The following PDLIM5 variants were observed in gnomAD, a reference collection of about 807,000 sequenced individuals.
The protein encoded by PDLIM5 is PDZ and LIM domain 5.
PDLIM5 carries 34 observed loss-of-function variants against 64.2 expected under a neutral mutation model. The observed-to-expected ratio is 0.53, with a 90% CI of 0.40 to 0.71. PDLIM5 has a LOEUF of 0.71. PDLIM5 is among the 30% of genes least tolerant of loss of function. The pLI is 0.00. For synonymous variants in PDLIM5, 253 were observed against 269.1 expected (o/e 0.94, Z 0.59); for missense variants, 683 against 733.6 (o/e 0.93, Z 0.80).
intron 7 of PDLIM5, among the ~76,000 whole-genome samples, chr4:94,603,326 G>A (rs1363100474): frequency 6.6e-6 from 1 of 152,140 alleles, no homozygotes; most frequent in Admixed American, 6.5e-5. Context: ...GAAGGGGCAG[G>A]ATTTGGCAAG....
chr4:94,607,044 G>GGTTC (rs1737984785), intron 7 of PDLIM5, among the ~76,000 whole-genome samples: 1 of 152,088 alleles, frequency 6.6e-6, no homozygotes, highest in South Asian at 2.1e-4. Context: ...CCCATGTTAT[G>GGTTC]GTTCTTATAT....
At chr4:94,594,977 A>G (rs948022812) in intron 7 of PDLIM5, among the ~76,000 whole-genome samples, 3 of 152,174 alleles carry the variant, frequency 2.0e-5, no homozygotes, top group African/African-American at 7.2e-5. Context: ...CAGGCTTAAC[A>G]GGAATCATGG....
chr4:94,521,256 C>T (rs1247742227), intron 2 of PDLIM5, among the ~76,000 whole-genome samples: 5 of 151,834 alleles, frequency 3.3e-5, no homozygotes, highest in East Asian at 3.9e-4. Context: ...GGCCACCATT[C>T]GGGAATGTTA....
At chr4:94,471,069 C>A (rs909914600) in intron 2 of PDLIM5, among the ~76,000 whole-genome samples, 13 of 152,106 alleles carry the variant, frequency 8.5e-5, no homozygotes, top group African/African-American at 3.1e-4. Context: ...ATGGCAAAGA[C>A]CCGCCCCCAT....
intron 2 of PDLIM5, among the ~76,000 whole-genome samples, chr4:94,507,075 G>C (rs1167031533): frequency 1.3e-5 from 2 of 152,144 alleles, no homozygotes; most frequent in African/African-American, 4.8e-5. Context: ...CAGGCTGAAG[G>C]CTGCACTGTA....
chr4:94,455,378 C>A lies in PDLIM5; in HGVS notation c.90C>A (p.Ile30=). Residue 30 remains isoleucine, a synonymous_variant, in exon 2 of 13, where the codon ATC becomes ATA. Transcript: ENST00000317968. The part of the protein sequence containing the change: ...GGKDFNMPLT[I]SSLKDGGKAA... Reference sequence around the variant, plus strand: ...AGGATTTCAACATGCCTCTGACAATCTCTAGTGTAAGTAAACTTTACAAAT... The same window carrying A: ...AGGATTTCAACATGCCTCTGACAATATCTAGTGTAAGTAAACTTTACAAAT... The A allele has an allele frequency of 6.2e-7, 1 of 1,601,498 alleles. No individual in the cohort carries two copies. The highest frequency in any genetic ancestry group is 8.6e-7 in the Non-Finnish European group (1 of 1,168,512).
chr4:94,480,828 C>G (rs1274379440), intron 2 of PDLIM5, among the ~76,000 whole-genome samples: 1 of 152,116 alleles, frequency 6.6e-6, no homozygotes, highest in Non-Finnish European at 1.5e-5. Context: ...CAGCTGCCAG[C>G]ACAGACAATA....
intron 3 of PDLIM5, among the ~76,000 whole-genome samples, chr4:94,544,939 C>T (rs992820634): frequency 2.6e-5 from 4 of 152,156 alleles, no homozygotes; most frequent in Admixed American, 1.3e-4. Flanking sequence ...TGGTTAAATC[C>T]AGCAGAAGAA....
chr4:94,576,049 T>C lies in PDLIM5; in HGVS notation c.710+15T>C, dbSNP rs1448406254. Reference sequence around the variant, plus strand: ...CAGCAAAATGGGTAGGTGGCTAAGGTGCTTTCTGCTCTTACTAAAACTCTT... The same window carrying C: ...CAGCAAAATGGGTAGGTGGCTAAGGCGCTTTCTGCTCTTACTAAAACTCTT... On this transcript the variant is annotated intron_variant, in intron 5 of 12. Transcript: ENST00000317968. 4.4e-6 allele frequency: 7 copies of C among 1,599,348 alleles called. No individual in the cohort carries two copies. The highest frequency in any genetic ancestry group is 5.1e-6 in the Non-Finnish European group (6 of 1,169,570).
At chr4:94,645,200 T>C (rs1360381893) in intron 9 of PDLIM5, among the ~76,000 whole-genome samples, 1 of 152,214 alleles carries the variant, frequency 6.6e-6, no homozygotes, top group Non-Finnish European at 1.5e-5. Context: ...TTACTTCACT[T>C]AGAATAGTAG....
chr4:94,637,518 C>G (rs935436146), intron 8 of PDLIM5, among the ~76,000 whole-genome samples: 1 of 152,078 alleles, frequency 6.6e-6, no homozygotes, highest in African/African-American at 2.4e-5. Flanking sequence ...GAGATCGTGC[C>G]GTTGCACTCC....
At chr4:94,604,586 A>T (rs958401270) in intron 7 of PDLIM5, among the ~76,000 whole-genome samples, 1 of 152,126 alleles carries the variant, frequency 6.6e-6, no homozygotes, top group Non-Finnish European at 1.5e-5. Context: ...GTGAGCCGGG[A>T]TTGTGCCACT....
rs1482096768 is a variant in PDLIM5 at position 94,666,250 on chromosome 4, G to A, written c.*2183G>A. 8.9e-6 allele frequency: 4 copies of A among 451,672 alleles called. No homozygotes were observed. In the East Asian group the frequency reaches 1.0e-4, roughly 11 times the overall value. The allele number at this position is 451,672 out of a possible 1,614,324, so 28.0% of individuals were successfully genotyped here. A position where few individuals can be genotyped will look rare whatever the true frequency, so the allele number is the denominator to read the frequency against. Reference sequence around the variant, plus strand: ...CTGTCCTGAAAGCTGTTAATTTATGGTCTAGCAGATTTATATTATATGCAG... The same window carrying A: ...CTGTCCTGAAAGCTGTTAATTTATGATCTAGCAGATTTATATTATATGCAG... On this transcript the variant is annotated 3_prime_UTR_variant, in exon 13 of 13. Transcript: ENST00000317968.
At chr4:94,470,527 G>A (rs147291132) in intron 2 of PDLIM5, among the ~76,000 whole-genome samples, 13 of 152,106 alleles carry the variant, frequency 8.5e-5, no homozygotes, top group Non-Finnish European at 1.9e-4. Flanking sequence ...GAATATTTTA[G>A]CCAATTGGTT....
intron 3 of PDLIM5, among the ~76,000 whole-genome samples, chr4:94,559,306 A>G (rs1250842978): frequency 6.6e-6 from 1 of 152,138 alleles, no homozygotes; most frequent in Non-Finnish European, 1.5e-5. Context: ...CAGACCTTCT[A>G]TCTAGTGCTA....
At chr4:94,518,662 T>G (rs1416759873) in intron 2 of PDLIM5, among the ~76,000 whole-genome samples, 1 of 152,216 alleles carries the variant, frequency 6.6e-6, no homozygotes, top group Non-Finnish European at 1.5e-5. Context: ...GTATATTATT[T>G]TAAATGCAAA....
chr4:94,591,875 T>C (rs2110331242), intron 7 of PDLIM5, among the ~76,000 whole-genome samples: 1 of 152,372 alleles, frequency 6.6e-6, no homozygotes, highest in South Asian at 2.1e-4. Flanking sequence ...AAGAATCATA[T>C]TTTTGTAGAC....
At chr4:94,518,402 G>A (rs1729549455) in intron 2 of PDLIM5, among the ~76,000 whole-genome samples, 1 of 152,126 alleles carries the variant, frequency 6.6e-6, no homozygotes, top group Non-Finnish European at 1.5e-5. Context: ...CCTTGTCTAA[G>A]TGTTCTGCTG....
At chr4:94,604,548 C>T (rs527594794) in intron 7 of PDLIM5, among the ~76,000 whole-genome samples, 88 of 152,226 alleles carry the variant, frequency 5.8e-4, no homozygotes, top group African/African-American at 1.9e-3. Flanking sequence ...GCAGGAGAAT[C>T]GTTTGAACCA....
Sources: gnomAD v4.1 joint callset for allele counts (sites outside exome capture counted in the v4.1 genomes callset) on GRCh38, gnomAD v4.1.1 for gene constraint, MANE v1.5 for transcripts, NCBI Gene and HGNC (gene_info 2026-07-23, HGNC 2026-07-21) for gene names.